SPAG16: variants seen among roughly 807,000 people sequenced by gnomAD.
The protein encoded by SPAG16 is sperm associated antigen 16.
In SPAG16, 86 loss-of-function variants were observed where a neutral mutation model predicts 80.4. That is an observed-to-expected ratio of 1.07 (90% CI 0.90 to 1.28). The LOEUF is 1.28. Among genes scored for constraint, SPAG16 ranks in the 50% most tolerant of loss-of-function variants. The probability of loss-of-function intolerance (pLI) is 0.00; values close to 1 mark genes in which losing one functional copy is unlikely to be tolerated. For synonymous variants in SPAG16, 294 were observed against 265.9 expected (o/e 1.11, Z -1.03); for missense variants, 870 against 765.3 (o/e 1.14, Z -1.61).
intron 15 of SPAG16, among the ~76,000 whole-genome samples, chr2:214,151,866 G>A (rs535768085): frequency 6.6e-6 from 1 of 152,274 alleles, no homozygotes; most frequent in East Asian, 1.9e-4. Flanking sequence ...ATTATAAATA[G>A]CATCCTGTCT....
At chr2:213,320,043 G>T (rs531631567) in intron 5 of SPAG16, among the ~76,000 whole-genome samples, 36 of 151,974 alleles carry the variant, frequency 2.4e-4, no homozygotes, top group Non-Finnish European at 4.9e-4. Context: ...TTGAAAGGAA[G>T]CTGCTTGATC....
At chr2:213,862,680 C>A in intron 11 of SPAG16, 52 bp downstream of exon 11, 1 of 1,585,718 alleles carries the variant, frequency 6.3e-7, no homozygotes, top group African/African-American at 1.3e-5. Flanking sequence ...GAATGTGCTC[C>A]TTTACTCTGT....
chr2:213,534,390 A>T (rs956173216), intron 10 of SPAG16, among the ~76,000 whole-genome samples: 1 of 152,144 alleles, frequency 6.6e-6, no homozygotes, highest in African/African-American at 2.4e-5. Context: ...GCATAAGTAT[A>T]TACCCCAATA....
intron 15 of SPAG16, among the ~76,000 whole-genome samples, chr2:214,342,874 A>G (rs1697802084): frequency 1.3e-5 from 2 of 152,174 alleles, no homozygotes; most frequent in Non-Finnish European, 2.9e-5. Flanking sequence ...TTCATTATCC[A>G]TTATTAGACT....
intron 15 of SPAG16, among the ~76,000 whole-genome samples, chr2:214,176,161 T>G (rs1429388066): frequency 6.6e-6 from 1 of 151,370 alleles, no homozygotes; most frequent in Non-Finnish European, 1.5e-5. Context: ...GACAATGTCC[T>G]CAAATATAGC....
At chr2:214,134,388 A>G (rs901746292) in intron 14 of SPAG16, among the ~76,000 whole-genome samples, 1 of 152,206 alleles carries the variant, frequency 6.6e-6, no homozygotes, top group Non-Finnish European at 1.5e-5. Flanking sequence ...TTGTATTTCA[A>G]CACCCTGTCT....
Position 213,317,367 on chromosome 2 carries a change from T to G in SPAG16, c.536+11T>G, listed in dbSNP as rs1234863669. 1 of 1,599,962 alleles carries G rather than the reference T, an allele frequency of 6.3e-7. No individual in the cohort carries two copies. The highest frequency in any genetic ancestry group is 2.2e-5 in the East Asian group (1 of 44,654). On this transcript the variant is annotated intron_variant, in intron 5 of 15. Transcript: ENST00000331683. The stretch of plus-strand genomic sequence containing the variant: ...CAAACAAGCAGCTGAGTATGTTATT[T>G]TTTAAATGACATTTTCTTCTTTTTC...
chr2:213,845,229 G>A (rs1320903614), intron 10 of SPAG16, among the ~76,000 whole-genome samples: 33 of 141,482 alleles, frequency 2.3e-4, no homozygotes, highest in Admixed American at 1.8e-3. Flanking sequence ...ACAGAGTCTC[G>A]CTCTGTTGCC....
At chr2:214,047,072 A>G (rs1469313151) in intron 13 of SPAG16, among the ~76,000 whole-genome samples, 1 of 152,172 alleles carries the variant, frequency 6.6e-6, no homozygotes, top group Non-Finnish European at 1.5e-5. Context: ...ATGTTCATGG[A>G]TTGAAAGAAT....
intron 9 of SPAG16, among the ~76,000 whole-genome samples, chr2:213,415,737 G>C (rs1241384712): frequency 6.6e-6 from 1 of 152,188 alleles, no homozygotes; most frequent in African/African-American, 2.4e-5. Flanking sequence ...GGTTTATGAC[G>C]TGAGGGAATT....
chr2:214,201,712 G>T (rs890794040), intron 15 of SPAG16, among the ~76,000 whole-genome samples: 1 of 152,054 alleles, frequency 6.6e-6, no homozygotes, highest in African/African-American at 2.4e-5. Context: ...CCAAAATTCT[G>T]GAATAGATTA....
chr2:214,074,293 C>T (rs544287058), intron 13 of SPAG16, among the ~76,000 whole-genome samples: 1 of 152,254 alleles, frequency 6.6e-6, no homozygotes, highest in South Asian at 2.1e-4. Context: ...TCAACTAAGA[C>T]ATAAATACAA....
chr2:213,348,126 A>C (rs1431885581), intron 6 of SPAG16, among the ~76,000 whole-genome samples: 1 of 152,090 alleles, frequency 6.6e-6, no homozygotes, highest in African/African-American at 2.4e-5. Context: ...TGATCCCTTT[A>C]CCATTATGTA....
chr2:214,230,397 G>T (rs919077312), intron 15 of SPAG16, among the ~76,000 whole-genome samples: 5 of 151,936 alleles, frequency 3.3e-5, no homozygotes, highest in African/African-American at 4.8e-5. Context: ...GTCAATGTTA[G>T]CTGCAGCTCT....
intron 13 of SPAG16, among the ~76,000 whole-genome samples, chr2:214,102,366 T>C (rs1357528543): frequency 1.4e-5 from 2 of 147,408 alleles, no homozygotes; most frequent in Non-Finnish European, 3.0e-5. Context: ...GACCTATTTG[T>C]CAAGTATTGG....
intron 15 of SPAG16, among the ~76,000 whole-genome samples, chr2:214,275,713 C>A (rs1692414811): frequency 6.6e-6 from 1 of 152,102 alleles, no homozygotes; most frequent in African/African-American, 2.4e-5. Flanking sequence ...TTACTTCCAA[C>A]TATGTGGTCA....
intron 9 of SPAG16, among the ~76,000 whole-genome samples, chr2:213,434,480 A>T (rs1006176891): frequency 2.6e-5 from 4 of 152,230 alleles, no homozygotes; most frequent in South Asian, 2.1e-4. Flanking sequence ...GGACTTAATT[A>T]AACTAAATAG....
At chr2:213,435,675 A>G (rs1286630722) in intron 9 of SPAG16, among the ~76,000 whole-genome samples, 1 of 152,208 alleles carries the variant, frequency 6.6e-6, no homozygotes, top group Admixed American at 6.5e-5. Context: ...ATGGAGCTCA[A>G]TATAATTTAG....
chr2:213,310,316 C>T (rs2063129517), intron 4 of SPAG16, 139 bp downstream of exon 4: 2 of 458,898 alleles, frequency 4.4e-6, no homozygotes, highest in South Asian at 2.5e-5. Context: ...GCCCTGAAAC[C>T]ACAACACACA....
Sources: allele counts gnomAD v4.1 joint callset (sites outside exome capture counted in the v4.1 genomes callset), GRCh38; gene constraint gnomAD v4.1.1; transcripts MANE v1.5; gene names NCBI Gene and HGNC (gene_info 2026-07-23, HGNC 2026-07-21).